ASIC2: variants seen among roughly 807,000 people sequenced by gnomAD.
The protein encoded by ASIC2 is acid sensing ion channel subunit 2.
Under a neutral mutation model 57.3 loss-of-function variants are expected in ASIC2, and 25 were observed. That is an observed-to-expected ratio of 0.44 (90% confidence interval 0.32 to 0.61). The LOEUF (loss-of-function observed/expected upper bound fraction) is 0.61. ASIC2 is among the 20% of genes least tolerant of loss of function. ASIC2 has a pLI of 0.06. For synonymous variants in ASIC2, 319 were observed against 307.5 expected (o/e 1.04, Z -0.39); for missense variants, 641 against 738.1 (o/e 0.87, Z 1.52).
chr17:33,299,547 T>C (rs1905865001), intron 1 of ASIC2, among the ~76,000 whole-genome samples: 1 of 151,916 alleles, frequency 6.6e-6, no homozygotes, highest in Admixed American at 6.6e-5. Flanking sequence ...CTGTTTTTTT[T>C]TGTACACGCT....
chr17:33,372,420 G>T (rs938595987), intron 1 of ASIC2, among the ~76,000 whole-genome samples: 9 of 152,118 alleles, frequency 5.9e-5, no homozygotes, highest in African/African-American at 1.7e-4. Flanking sequence ...TACCCCCTGG[G>T]GCCCGGGGGA....
At chr17:34,120,232 T>C (rs2142118343) in intron 1 of ASIC2, 1 of 152,366 alleles carries the variant, frequency 6.6e-6, no homozygotes, top group African/African-American at 2.4e-5. Context: ...GGATATGCAG[T>C]ACCCAACTAC....
At chr17:33,360,332 G>A (rs1363877340) in intron 1 of ASIC2, among the ~76,000 whole-genome samples, 1 of 152,216 alleles carries the variant, frequency 6.6e-6, no homozygotes, top group Non-Finnish European at 1.5e-5. Context: ...ATGTTTGCAA[G>A]CAGTGCCATA....
intron 1 of ASIC2, among the ~76,000 whole-genome samples, chr17:33,814,277 A>G (rs930075580): frequency 6.6e-6 from 1 of 152,224 alleles, no homozygotes; most frequent in Admixed American, 6.5e-5. Flanking sequence ...AAAGCAAAGC[A>G]TAAGTCACAG....
intron 1 of ASIC2, among the ~76,000 whole-genome samples, chr17:33,740,879 T>C (rs1910089744): frequency 6.6e-6 from 1 of 152,214 alleles, no homozygotes; most frequent in African/African-American, 2.4e-5. Flanking sequence ...CTAGAGTCTC[T>C]AAAAATATAG....
chr17:33,636,180 T>C (rs1906357418), intron 1 of ASIC2, among the ~76,000 whole-genome samples: 1 of 152,254 alleles, frequency 6.6e-6, no homozygotes, highest in East Asian at 1.9e-4. Flanking sequence ...TTCAAAATGC[T>C]AGTATATGCA....
At chr17:33,957,086 G>C (rs1904759297) in intron 1 of ASIC2, among the ~76,000 whole-genome samples, 1 of 152,216 alleles carries the variant, frequency 6.6e-6, no homozygotes, top group African/African-American at 2.4e-5. Context: ...ATCTGGAAAA[G>C]CTCGTTTGGG....
chr17:33,158,383 G>A (rs1415502819), intron 1 of ASIC2, among the ~76,000 whole-genome samples: 1 of 152,208 alleles, frequency 6.6e-6, no homozygotes, highest in African/African-American at 2.4e-5. Flanking sequence ...AGACAAGGTT[G>A]GGGAGAGGTG....
At chr17:33,442,934 A>G (rs1345350281) in intron 1 of ASIC2, among the ~76,000 whole-genome samples, 1 of 152,196 alleles carries the variant, frequency 6.6e-6, no homozygotes, top group Non-Finnish European at 1.5e-5. Context: ...CTTTATTCCA[A>G]CCAAGAAAGT....
intron 1 of ASIC2, among the ~76,000 whole-genome samples, chr17:33,779,467 G>C (rs1369681384): frequency 6.6e-6 from 1 of 152,210 alleles, no homozygotes; most frequent in African/African-American, 2.4e-5. Flanking sequence ...CTAACGTGCA[G>C]CTTAATCAGT....
At chr17:34,073,699 G>A (rs1389195863) in intron 1 of ASIC2, among the ~76,000 whole-genome samples, 1 of 152,130 alleles carries the variant, frequency 6.6e-6, no homozygotes, top group East Asian at 1.9e-4. Flanking sequence ...TTATTTTCTT[G>A]CTTTTCTTCA....
intron 1 of ASIC2, among the ~76,000 whole-genome samples, chr17:34,111,498 G>A (rs910378349): frequency 7.2e-5 from 11 of 151,892 alleles, no homozygotes; most frequent in East Asian, 1.9e-4. Context: ...TTCTACTTAC[G>A]GAGTTTTCCC....
intron 1 of ASIC2, among the ~76,000 whole-genome samples, chr17:33,731,373 T>C (rs977699929): frequency 6.6e-6 from 1 of 152,060 alleles, no homozygotes; most frequent in African/African-American, 2.4e-5. Flanking sequence ...TAGAACAGAA[T>C]TGAATGTTGG....
At chr17:33,164,854 C>G (rs947910325) in intron 1 of ASIC2, among the ~76,000 whole-genome samples, 2 of 152,108 alleles carry the variant, frequency 1.3e-5, no homozygotes, top group African/African-American at 4.8e-5. Context: ...AGGAGCTGGT[C>G]ACTTGGCCAT....
At chr17:33,317,464 T>C (rs1289028097) in intron 1 of ASIC2, among the ~76,000 whole-genome samples, 1 of 152,240 alleles carries the variant, frequency 6.6e-6, no homozygotes, top group African/African-American at 2.4e-5. Flanking sequence ...GTCAGACTGG[T>C]GTTTTTCACT....
intron 2 of ASIC2, among the ~76,000 whole-genome samples, chr17:33,098,902 A>T (rs1271473724): frequency 6.6e-6 from 1 of 151,522 alleles, no homozygotes; most frequent in Non-Finnish European, 1.5e-5. Context: ...TACAGTATAT[A>T]TATATATGTA....
rs1199464834 is a variant in ASIC2, at chr17:33,291,760, C to A, written c.356G>T (p.Arg119Leu). The A allele has an allele frequency of 6.2e-7, 1 of 1,613,622 alleles. No homozygotes were observed. Among genetic ancestry groups the A allele is most frequent in the Non-Finnish European group, 8.5e-7 (1 of 1,179,900 alleles). The stretch of plus-strand genomic sequence containing the variant: ...CTGGCGGCTCCACTCGCGGTGCACC[C>A]GCGTGTGTGACGGGAAGCTGAGCCA... ...LYWLSFPSHT[R>L]VHREWSRQLP... The change falls in exon 1 of 10, where the codon CGG (arginine) becomes CTG (leucine). Residue 119 changes from arginine (R) to leucine (L), a missense_variant. Arg to Leu is a moderately radical substitution (Grantham distance 102, BLOSUM62 -2). Around this residue, in one of 3 missense-constraint regions of ASIC2, gnomAD observed 382 missense variants for 398.0 expected, o/e 0.96. Coordinates refer to ENST00000225823, the MANE Select transcript of ASIC2 (RefSeq NM_183377.2).
chr17:34,149,691 T>A (rs1904437733), intron 1 of ASIC2, among the ~76,000 whole-genome samples: 1 of 152,206 alleles, frequency 6.6e-6, no homozygotes, highest in South Asian at 2.1e-4. Context: ...AATGCGATAT[T>A]ACCTCACACT....
rs150939599 is a variant in ASIC2, at chr17:33,856,993, C to T, written c.555+298985G>A. ...TTTGGAGTGTGGCACCCAAGGGGAC[C>T]CCACCTAAGGAGGATAGATGGAGCT... On this transcript the variant is annotated intron_variant, in intron 1 of 9. Transcript: ENST00000359872. Among the ~76,000 whole-genome samples, 328 of 152,092 alleles carry T rather than the reference C, an allele frequency of 2.2e-3. 2 individuals are homozygous for T. Among genetic ancestry groups the T allele is most frequent in the African/African-American group, 7.7e-3 (318 of 41,488 alleles).
Sources: gnomAD v4.1 joint callset for allele counts (sites outside exome capture counted in the v4.1 genomes callset) on GRCh38, gnomAD v4.1.1 for gene constraint, gnomAD v4.1.1 regional missense constraint, MANE v1.5 for transcripts, NCBI Gene and HGNC (gene_info 2026-07-23, HGNC 2026-07-21) for gene names.